MYO7A: variants seen among roughly 807,000 people sequenced by gnomAD.
MYO7A encodes unconventional myosin-VIIa.
In MYO7A, 210 loss-of-function variants were observed where a neutral mutation model predicts 263.8. That is an observed-to-expected ratio of 0.80 (90% CI 0.71 to 0.89). The LOEUF is 0.89. MYO7A is among the 40% of genes least tolerant of loss of function. The pLI is 0.00. For missense variants in MYO7A, 2,820 were observed against 2,968.3 expected (o/e 0.95, Z 1.16); for synonymous variants, 1,239 against 1,197.3 (o/e 1.03, Z -0.72).
In MYO7A at chr11:77,142,587, C is replaced by T. The variant is rs782099399; in HGVS notation, c.19-122C>T. 23 of 839,982 alleles carry T rather than the reference C, an allele frequency of 2.7e-5. No individual in the cohort carries two copies. The East Asian group carries it at 4.8e-4, about 18-fold the overall frequency. The allele number at this position is 839,982 out of a possible 1,614,324, so 52.0% of individuals were successfully genotyped here. On this transcript the variant is annotated intron_variant, in intron 2 of 48. Transcript: ENST00000409709. ...GTTGCTAGTAAGTGTGAGTCCCCTT[C>T]TCTTCCCCCTTGTGTGGTTGGCTCA...
intron 2 of MYO7A, among the ~76,000 whole-genome samples, chr11:77,133,842 A>T (rs72931567): frequency 1.6e-4 from 24 of 152,104 alleles, no homozygotes; most frequent in Non-Finnish European, 3.4e-4. Flanking sequence ...TTTAATTGAC[A>T]TTTTTTTCTA....
intron 4 of MYO7A, among the ~76,000 whole-genome samples, chr11:77,153,739 G>A (rs1952187676): frequency 6.6e-6 from 1 of 152,146 alleles, no homozygotes; most frequent in African/African-American, 2.4e-5. Flanking sequence ...CCTCCTAAAT[G>A]TCACGCCCTT....
chr11:77,180,219 G>A lies in MYO7A; in HGVS notation c.2587-155G>A, dbSNP rs143416089. On this transcript the variant is annotated intron_variant, in intron 21 of 48. Coordinates refer to ENST00000409709, the MANE Select transcript of MYO7A (RefSeq NM_000260.4). ...TTAGGATCAGTGGTGCCTCCAGCCC[G>A]CTGGGTGACCTAGAGAATTTCTTGA... Among the ~76,000 whole-genome samples, 895 of 152,084 alleles carry A rather than the reference G, an allele frequency of 5.9e-3. 10 individuals carry two copies. Among genetic ancestry groups the A allele is most frequent in the Non-Finnish European group, 5.3e-3 (362 of 68,018 alleles).
intron 2 of MYO7A, among the ~76,000 whole-genome samples, chr11:77,134,655 T>G (rs1950859412): frequency 6.6e-6 from 1 of 152,150 alleles, no homozygotes; most frequent in Admixed American, 6.5e-5. Flanking sequence ...TCTATTTATC[T>G]ATGTAAGTGC....
rs371124214 is a variant in MYO7A, at chr11:77,208,771, C to G, written c.6019C>G (p.Pro2007Ala). The G allele has an allele frequency of 6.3e-7, 1 of 1,575,390 alleles. No homozygotes were observed. The highest frequency in any genetic ancestry group is 8.6e-7 in the Non-Finnish European group (1 of 1,160,264). Reference sequence around the variant, plus strand: ...GACCACCACGGTGCCAGGGAAGGATCCCATGGCCGATTCCATCTTCCACTA... The same window carrying G: ...GACCACCACGGTGCCAGGGAAGGATGCCATGGCCGATTCCATCTTCCACTA... ...LWTTTVPGKDPMADSIFHYYQ... is the reference protein window; with the variant it reads ...LWTTTVPGKDAMADSIFHYYQ... The change falls in exon 44 of 49, where the codon CCC (proline) becomes GCC (alanine). Residue 2007 changes from proline (P) to alanine (A), a missense_variant. By Grantham distance (27) the Pro-to-Ala change is conservative (BLOSUM62 -1). Transcript: ENST00000409709.
Position 77,190,100 on chromosome 11 carries a change from T to C in MYO7A, c.3711T>C (p.Asn1237=), listed in dbSNP as rs2135556462. The C allele has an allele frequency of 6.3e-7, 1 of 1,578,444 alleles. No homozygotes were observed. The highest frequency in any genetic ancestry group is 8.6e-7 in the Non-Finnish European group (1 of 1,162,664). The change falls in exon 29 of 49, where the codon AAT becomes AAC. Residue 1237 remains asparagine (N), a synonymous_variant. Coordinates refer to ENST00000409709, the MANE Select transcript of MYO7A (RefSeq NM_000260.4). ...CEERLRRTFV[N]GTRTQPPSWL... ...AGCGCCTGAGAAGGACCTTTGTCAA[T>C]GGGACACGGACACAGCCGCCCAGCT...
chr11:77,169,430 A>C, intron 15 of MYO7A, among the ~76,000 whole-genome samples: 1 of 152,210 alleles, frequency 6.6e-6, no homozygotes, highest in Non-Finnish European at 1.5e-5. Flanking sequence ...TATTCACTCT[A>C]TGCAGGTGGC....
intron 41 of MYO7A, 92 bp from the exon 42 acceptor site, chr11:77,207,197 G>A (rs758842168): frequency 3.0e-5 from 24 of 809,752 alleles, no homozygotes; most frequent in Non-Finnish European, 4.7e-5. Context: ...CACGGGAGGG[G>A]GCTCAGTATA....
chr11:77,171,974 G>T (rs964405281), intron 15 of MYO7A, among the ~76,000 whole-genome samples: 1 of 152,172 alleles, frequency 6.6e-6, no homozygotes, highest in African/African-American at 2.4e-5. Context: ...TGGCTGCGTC[G>T]GAGCCACAGT....
rs782008236 is a variant in MYO7A at position 77,181,512 on chromosome 11, G to A, written c.2827G>A (p.Val943Met). The A allele has an allele frequency of 3.7e-6, 6 of 1,613,446 alleles. No homozygotes were observed. In the African/African-American group the frequency reaches 8.0e-5, roughly 22 times the overall value. The change falls in exon 23 of 49, where the codon GTG (valine) becomes ATG (methionine). Residue 943 changes from valine (V) to methionine (M), a missense_variant. Transcript: ENST00000409709. ...RHEPVNHSDM[V>M]DKMFGFLGTS... Reference sequence around the variant, plus strand: ...TGAGCCTGTCAATCACTCAGACATGGTGGACAAGATGTTTGGCTTCCTGGG... The same window carrying A: ...TGAGCCTGTCAATCACTCAGACATGATGGACAAGATGTTTGGCTTCCTGGG...
intron 15 of MYO7A, among the ~76,000 whole-genome samples, chr11:77,172,148 C>A (rs1165499805): frequency 6.6e-6 from 1 of 152,204 alleles, no homozygotes; most frequent in Non-Finnish European, 1.5e-5. Flanking sequence ...GAAGGCGGCA[C>A]CACCTTTCTA....
Position 77,160,899 on chromosome 11 carries a change from G to A in MYO7A, c.1201-74G>A, listed in dbSNP as rs1394586044. The A allele has an allele frequency of 7.8e-6, 12 of 1,528,688 alleles. No individual in the cohort carries two copies. In the African/African-American group the frequency reaches 9.6e-5, roughly 12 times the overall value. The allele number at this position is 1,528,688 out of a possible 1,614,324, so 94.7% of individuals were successfully genotyped here. On this transcript the variant is annotated intron_variant, in intron 11 of 48. Transcript: ENST00000409709. ...CACACAAGGGCTGGAGCGACACCAC[G>A]AAGGGTCCAGGAGCCTGGCCTGTCC...
chr11:77,147,760 G>A, intron 3 of MYO7A, 38 bp from the exon 4 acceptor site: 4 of 1,601,548 alleles, frequency 2.5e-6, no homozygotes, highest in Non-Finnish European at 2.6e-6. Context: ...CGCAGCCTGG[G>A]CCCCAGGAGA....
rs140065829 is a variant in MYO7A, at chr11:77,157,464, T to A, written c.849+72T>A. Reference sequence around the variant, plus strand: ...TTGTAGGGAGCTGGCTACTGCAGACTCAGCCTTGAGGTCTCACTGGTCACA... The same window carrying A: ...TTGTAGGGAGCTGGCTACTGCAGACACAGCCTTGAGGTCTCACTGGTCACA... On this transcript the variant is annotated intron_variant, in intron 8 of 48. Transcript: ENST00000409709. 35 of 1,078,904 alleles carry A rather than the reference T, an allele frequency of 3.2e-5. No homozygotes were observed. In the East Asian group the frequency reaches 8.8e-4, roughly 27 times the overall value. The allele number at this position is 1,078,904 out of a possible 1,614,324, so 66.8% of individuals were successfully genotyped here.
chr11:77,136,088 A>C (rs781841076), intron 2 of MYO7A, among the ~76,000 whole-genome samples: 1 of 152,174 alleles, frequency 6.6e-6, no homozygotes, highest in East Asian at 1.9e-4. Context: ...ACTAGTGACA[A>C]ACTCTCTCAG....
At chr11:77,200,008 C>T (rs142210681) in intron 35 of MYO7A, among the ~76,000 whole-genome samples, 190 bp downstream of exon 35, 78 of 152,280 alleles carry the variant, frequency 5.1e-4, no homozygotes, top group African/African-American at 1.6e-3. Context: ...GTGGCTTATG[C>T]CTGCAATCCC....
intron 22 of MYO7A, among the ~76,000 whole-genome samples, 198 bp downstream of exon 22, chr11:77,180,679 G>C (rs2298460): frequency 6.6e-6 from 1 of 152,210 alleles, no homozygotes; most frequent in Non-Finnish European, 1.5e-5. Context: ...ATGAAGGGCT[G>C]TGGTGGCTCC....
In MYO7A at chr11:77,199,708, C is replaced by G. The variant is rs1278146303; in HGVS notation, c.4742C>G (p.Thr1581Ser). Residue 1581 changes from threonine to serine, a missense_variant, in exon 35 of 49, where the codon ACC becomes AGC. Transcript: ENST00000409709. ...TLATIKGDEY[T>S]FTSSNAEDIR... The stretch of plus-strand genomic sequence containing the variant: ...GCCACCATCAAGGGGGACGAATACA[C>G]CTTCACCTCCAGCAATGCTGAGGAC... The G allele has an allele frequency of 1.9e-6, 3 of 1,613,726 alleles. No individual in the cohort carries two copies. Among genetic ancestry groups the G allele is most frequent in the Non-Finnish European group, 2.5e-6 (3 of 1,179,854 alleles).
chr11:77,148,042 G>T, intron 4 of MYO7A, 92 bp downstream of exon 4: 1 of 1,126,598 alleles, frequency 8.9e-7, no homozygotes, highest in Non-Finnish European at 1.2e-6. Context: ...CTCCGGCCCC[G>T]CCCTGCCGGG....
Sources: allele counts gnomAD v4.1 joint callset (sites outside exome capture counted in the v4.1 genomes callset), GRCh38; gene constraint gnomAD v4.1.1; transcripts MANE v1.5; gene names NCBI Gene and HGNC (gene_info 2026-07-23, HGNC 2026-07-21).